Variants in NAPG observed in about 807,000 individuals in gnomAD.
The protein encoded by NAPG is NSF attachment protein gamma, also known as gamma-soluble NSF attachment protein.
Under a neutral mutation model 48.4 loss-of-function variants are expected in NAPG, and 25 were observed. The observed-to-expected ratio is 0.52, with a 90% confidence interval of 0.38 to 0.72. The LOEUF is 0.72. Ranked by LOEUF, NAPG falls within the 30% of genes least tolerant of loss-of-function variation. NAPG has a pLI of 0.00. For missense variants in NAPG, 359 were observed against 372.5 expected, an observed-to-expected ratio of 0.96 and a Z score of 0.30; for synonymous variants, 139 against 127.2, an observed-to-expected ratio of 1.09 and a Z score of -0.62.
rs985252739 is a variant in NAPG, at chr18:10,550,343, A to C, written c.*123A>C. The C allele has an allele frequency of 1.2e-4, 127 of 1,096,076 alleles. No homozygotes were observed. Among genetic ancestry groups the C allele is most frequent in the Non-Finnish European group, 1.5e-4 (124 of 803,946 alleles). 67.9% of individuals were successfully genotyped at this position (1,096,076 alleles called of 1,614,324 possible). On this transcript the variant is annotated 3_prime_UTR_variant, in exon 12 of 12. Coordinates refer to ENST00000322897, the MANE Select transcript of NAPG (RefSeq NM_003826.3). Reference sequence around the variant, plus strand: ...CAGTCATGATTTTGGATCCTAATAAAGACTAGTTTTTAGTTACCATCTTCC... The same window carrying C: ...CAGTCATGATTTTGGATCCTAATAACGACTAGTTTTTAGTTACCATCTTCC...
At chr18:10,527,959 G>A (rs2031854062) in intron 1 of NAPG, among the ~76,000 whole-genome samples, 1 of 152,142 alleles carries the variant, frequency 6.6e-6, no homozygotes, top group Non-Finnish European at 1.5e-5. Context: ...GCTGAGGCGG[G>A]TGGATCACTT....
chr18:10,545,798 G>C (rs536565653), intron 8 of NAPG, among the ~76,000 whole-genome samples: 10 of 152,256 alleles, frequency 6.6e-5, no homozygotes, highest in Non-Finnish European at 1.2e-4. Flanking sequence ...GTTGAAGACT[G>C]AAGATGCAGG....
At chr18:10,549,185 G>A in intron 11 of NAPG, 89 bp downstream of exon 11, 1 of 1,451,324 alleles carries the variant, frequency 6.9e-7, no homozygotes, top group Non-Finnish European at 9.3e-7. Flanking sequence ...GTACTTAAGA[G>A]ATTTTTTCCT....
chr18:10,530,188 C>CTTTTCTT (rs2031899948), intron 1 of NAPG, among the ~76,000 whole-genome samples: 1 of 67,332 alleles, frequency 1.5e-5, no homozygotes. Context: ...CGAGTTTTCA[C>CTTTTCTT]TTTTTTTTTT....
rs2032413847 is a variant in NAPG at position 10,552,259 on chromosome 18, A to G, written c.*2039A>G. 6.6e-6 allele frequency: 1 copy of G among 152,240 alleles called. No homozygotes were observed. The highest frequency in any genetic ancestry group is 2.1e-4 in the South Asian group (1 of 4,830). The allele number at this position is 152,240 out of a possible 1,614,324, so 9.4% of individuals were successfully genotyped here. ...GCGCAGCTATGCTTTAAACCACACA[A>G]AAGGCTGTGTCCAGGTGCAGCCTCC... is the stretch of plus-strand genomic sequence containing the variant. On this transcript the variant is annotated 3_prime_UTR_variant, in exon 12 of 12. Transcript: ENST00000322897.
intron 1 of NAPG, 52 bp from the exon 2 acceptor site, chr18:10,530,718 G>C: frequency 8.8e-7 from 1 of 1,130,564 alleles, no homozygotes. Flanking sequence ...GCAGAGATCT[G>C]ACTTATAAAT....
Position 10,544,084 on chromosome 18 carries a change from G to A in NAPG, c.507-2242G>A, listed in dbSNP as rs535807923. On this transcript the variant is annotated intron_variant, in intron 8 of 11. Transcript: ENST00000322897. This position sits in a 1 kb window ranked among gnomAD's most constrained non-coding sequence, Gnocchi z 5.1. Reference sequence around the variant, plus strand: ...TAATAGAATGATATAATCTAGACACGACGGGCACAGAATATTCTGACCATA... The same window carrying A: ...TAATAGAATGATATAATCTAGACACAACGGGCACAGAATATTCTGACCATA... 6.7e-4 allele frequency among the ~76,000 whole-genome samples: 102 copies of A among 152,296 alleles called. 1 individual carries two copies. The highest frequency in any genetic ancestry group is 1.2e-3 in the Non-Finnish European group (79 of 68,032).
intron 1 of NAPG, 36 bp downstream of exon 1, chr18:10,526,194 G>A: frequency 6.4e-7 from 1 of 1,571,458 alleles, no homozygotes; most frequent in Non-Finnish European, 8.7e-7. Context: ...GTGTGTAGAC[G>A]CCGGGTCCGT....
chr18:10,526,037 G>A lies in NAPG; in HGVS notation c.-66G>A, dbSNP rs1264507905. 6.6e-7 allele frequency: 1 copy of A among 1,504,550 alleles called. No individual in the cohort carries two copies. The highest frequency in any genetic ancestry group is 9.2e-7 in the Non-Finnish European group (1 of 1,082,892). The allele number at this position is 1,504,550 out of a possible 1,614,324, so 93.2% of individuals were successfully genotyped here. A position where few individuals can be genotyped will look rare whatever the true frequency, so the allele number is the denominator to read the frequency against. ...TCGGCGTTCCCACGCCTATTTGGGC[G>A]GATTCTTGGCGCCGGAGGAAGAGGC... On this transcript the variant is annotated 5_prime_UTR_variant, in exon 1 of 12. Transcript: ENST00000322897.
chr18:10,543,192 G>A lies in NAPG; in HGVS notation c.506+2793G>A, dbSNP rs2032192345. 6.6e-6 allele frequency among the ~76,000 whole-genome samples: 1 copy of A among 151,742 alleles called. No individual in the cohort carries two copies. The highest frequency in any genetic ancestry group is 2.1e-4 in the South Asian group (1 of 4,802). ...AAGACCTTTCCAGCAAGTTGATCAT[G>A]ACCTTGTGCCTCTGAGAGAAGGTCT... On this transcript the variant is annotated intron_variant, in intron 8 of 11. Coordinates refer to ENST00000322897, the MANE Select transcript of NAPG (RefSeq NM_003826.3). The surrounding 1 kb of genome is among the most constrained non-coding windows in gnomAD (Gnocchi z 4.4).
At position 10,546,040 on chromosome 18, in the gene NAPG, C is replaced by T. The variant is rs903416986; in HGVS notation, c.507-286C>T. On this transcript the variant is annotated intron_variant, in intron 8 of 11. Coordinates refer to ENST00000322897, the MANE Select transcript of NAPG (RefSeq NM_003826.3). The surrounding 1 kb of genome is among the most constrained non-coding windows in gnomAD (Gnocchi z 4.0). ...CGTATCACGAAGAAGTCGTGACACT[C>T]GCTATTGGACAGTCCTTACTAAGCT... 5.4e-4 allele frequency among the ~76,000 whole-genome samples: 83 copies of T among 152,310 alleles called. No homozygotes were observed. Among genetic ancestry groups the T allele is most frequent in the East Asian group, 5.8e-4 (3 of 5,176 alleles).
At chr18:10,529,863 C>T (rs138386247) in intron 1 of NAPG, among the ~76,000 whole-genome samples, 11 of 152,260 alleles carry the variant, frequency 7.2e-5, no homozygotes, top group African/African-American at 2.6e-4. Context: ...TAAGATACTC[C>T]CCTGAGTCAT....
At position 10,547,024 on chromosome 18, in the gene NAPG, C is replaced by T. The variant is rs183299026; in HGVS notation, c.585+620C>T. On this transcript the variant is annotated intron_variant, in intron 9 of 11. Coordinates refer to ENST00000322897, the MANE Select transcript of NAPG (RefSeq NM_003826.3). The stretch of plus-strand genomic sequence containing the variant: ...ATTCCGGAAAGGAGAGAGCTGGAAA[C>T]GGAGTCCCCTGAGTGTGGATGTGGC... Among the ~76,000 whole-genome samples the T allele has an allele frequency of 3.3e-3, 503 of 152,290 alleles. 6 individuals carry two copies. The highest frequency in any genetic ancestry group is 0.012 in the African/African-American group (487 of 41,554).
Position 10,546,706 on chromosome 18 carries a change from G to A in NAPG, c.585+302G>A, listed in dbSNP as rs572105909. Among the ~76,000 whole-genome samples, 74 of 152,292 alleles carry A rather than the reference G, an allele frequency of 4.9e-4. No homozygotes were observed. The highest frequency in any genetic ancestry group is 9.3e-4 in the Non-Finnish European group (63 of 68,020). ...CAACCACCATGGGAATGAGTTTCTC[G>A]GGTTTTTTTCCATTTCCTCTTGCAG... On this transcript the variant is annotated intron_variant, in intron 9 of 11. Transcript: ENST00000322897. The surrounding 1 kb of genome is among the most constrained non-coding windows in gnomAD (Gnocchi z 4.0).
In NAPG at chr18:10,549,080, A is replaced by T. The variant is rs1299773655; in HGVS notation, c.779A>T (p.Lys260Met). The T allele has an allele frequency of 5.0e-6, 8 of 1,613,818 alleles. No homozygotes were observed. Among genetic ancestry groups the T allele is most frequent in the Non-Finnish European group, 6.8e-6 (8 of 1,179,754 alleles). ...VSDVCNSPLFKYMDNDYAKLG... is the reference protein window; with the variant it reads ...VSDVCNSPLFMYMDNDYAKLG... ...GATGTCTGCAACTCACCGCTTTTCAAGTACATGGACAATGATGTAAGTGGA... is the reference window on the plus strand; with the variant it reads ...GATGTCTGCAACTCACCGCTTTTCATGTACATGGACAATGATGTAAGTGGA... Residue 260 changes from lysine to methionine, a missense_variant, in exon 11 of 12, where the codon AAG becomes ATG. Coordinates refer to ENST00000322897, the MANE Select transcript of NAPG (RefSeq NM_003826.3).
In NAPG at chr18:10,548,483, C is replaced by A; in HGVS notation, c.665+105C>A. On this transcript the variant is annotated intron_variant, in intron 10 of 11. Coordinates refer to ENST00000322897, the MANE Select transcript of NAPG (RefSeq NM_003826.3). The surrounding 1 kb of genome is among the most constrained non-coding windows in gnomAD (Gnocchi z 4.4). ...GTTCCTGGCCATGAAACTGTCATTT[C>A]TAAATCTTAGGAGTGCTCATCTACC... 2 of 935,632 alleles carry A rather than the reference C, an allele frequency of 2.1e-6. No individual in the cohort carries two copies. Among genetic ancestry groups the A allele is most frequent in the Non-Finnish European group, 1.7e-6 (1 of 595,234 alleles). 58.0% of individuals were successfully genotyped at this position (935,632 alleles called of 1,614,324 possible).
intron 5 of NAPG, among the ~76,000 whole-genome samples, chr18:10,535,269 A>G (rs988278727): frequency 5.9e-5 from 9 of 152,220 alleles, no homozygotes; most frequent in African/African-American, 2.2e-4. Flanking sequence ...TAGTGAACAC[A>G]TGCTCATTGT....
In NAPG at chr18:10,530,775, A is replaced by C. The variant is rs1308914922; in HGVS notation, c.62A>C (p.Lys21Thr). 6.4e-7 allele frequency: 1 copy of C among 1,571,420 alleles called. No homozygotes were observed. The highest frequency in any genetic ancestry group is 8.6e-7 in the Non-Finnish European group (1 of 1,158,370). The change falls in exon 2 of 12, where the codon AAA becomes ACA. Residue 21 changes from lysine (K) to threonine (T), a missense_variant. Lys to Thr is a moderately conservative substitution (Grantham distance 78). Coordinates refer to ENST00000322897, the MANE Select transcript of NAPG (RefSeq NM_003826.3). ...EHLAKAEKYL[K>T]TGFLKWKPDY... is the part of the protein sequence containing the mutation. Reference sequence around the variant, plus strand: ...CTGTGTTTTTTTCATTCTAGCCTGAAAACTGGTTTTTTAAAATGGAAGCCA... The same window carrying C: ...CTGTGTTTTTTTCATTCTAGCCTGACAACTGGTTTTTTAAAATGGAAGCCA...
intron 1 of NAPG, 88 bp downstream of exon 1, chr18:10,526,246 G>GGGGC: frequency 1.4e-5 from 7 of 490,182 alleles, no homozygotes; most frequent in East Asian, 5.8e-5. Flanking sequence ...GGGCGGGAGG[G>GGGGC]AGGGCTCAGG....
Sources: gnomAD v4.1 joint callset for allele counts (sites outside exome capture counted in the v4.1 genomes callset) on GRCh38, gnomAD v4.1.1 for gene constraint, Gnocchi (gnomAD v3.1) non-coding constraint, MANE v1.5 for transcripts, NCBI Gene and HGNC (gene_info 2026-07-23, HGNC 2026-07-21) for gene names.